RGS22: variants seen among roughly 807,000 people sequenced by gnomAD.
The protein encoded by RGS22 is regulator of G protein signaling 22, also known as regulator of G-protein signaling 22.
RGS22 carries 148 observed loss-of-function variants against 172.9 expected under a neutral mutation model. The ratio of observed to expected loss-of-function variants is 0.86; its 90% CI spans 0.75 to 0.98. The LOEUF (loss-of-function observed/expected upper bound fraction) is 0.98. Ranked by LOEUF, RGS22 falls within the 50% of genes least tolerant of loss-of-function variation. The probability of loss-of-function intolerance (pLI) is 0.00; values close to 1 mark genes in which losing one functional copy is unlikely to be tolerated. For synonymous variants in RGS22, 458 were observed against 480.2 expected, an observed-to-expected ratio of 0.95 and a Z score of 0.60; for missense variants, 1,347 against 1,440.8, an observed-to-expected ratio of 0.93 and a Z score of 1.05.
chr8:100,005,942 C>T, intron 16 of RGS22, 75 bp downstream of exon 16: 2 of 1,010,908 alleles, frequency 2.0e-6, no homozygotes, highest in Non-Finnish European at 3.1e-6. Context: ...CTACAATCTC[C>T]CCCTGCCCCA....
In RGS22 at chr8:100,032,612, A is replaced by G. The variant is rs191522987; in HGVS notation, c.2166+6319T>C. Among the ~76,000 whole-genome samples, 1,180 of 152,294 alleles carry G rather than the reference A, an allele frequency of 7.7e-3. 22 individuals carry two copies. Among genetic ancestry groups the G allele is most frequent in the African/African-American group, 0.027 (1,132 of 41,536 alleles). ...TGTCAATATTAGACAGATCAATGAG[A>G]CAGAAGGTTAACAAAGATATTCAGG... On this transcript the variant is annotated intron_variant, in intron 14 of 27. Transcript: ENST00000360863.
intron 18 of RGS22, 68 bp from the exon 19 acceptor site, chr8:99,999,488 C>A (rs1814785640): frequency 1.3e-6 from 2 of 1,533,626 alleles, no homozygotes; most frequent in Non-Finnish European, 1.8e-6. Context: ...GTCATTAATT[C>A]ATTCATTCAC....
intron 2 of RGS22, among the ~76,000 whole-genome samples, chr8:100,099,535 G>A (rs1242565406): frequency 6.6e-6 from 1 of 152,176 alleles, no homozygotes; most frequent in Non-Finnish European, 1.5e-5. Context: ...CTGATCAGAA[G>A]GTATGCTACT....
At chr8:100,095,098 T>G (rs1812863447) in intron 2 of RGS22, among the ~76,000 whole-genome samples, 1 of 152,222 alleles carries the variant, frequency 6.6e-6, no homozygotes, top group Non-Finnish European at 1.5e-5. Context: ...AATTTCTAAT[T>G]TTCAGATTCA....
Position 99,977,919 on chromosome 8 carries a change from T to C in RGS22, c.3517A>G (p.Lys1173Glu), listed in dbSNP as rs745461752. 6 of 1,563,238 alleles carry C rather than the reference T, an allele frequency of 3.8e-6. No individual in the cohort carries two copies. Among genetic ancestry groups the C allele is most frequent in the Middle Eastern group, 1.7e-4 (1 of 5,964 alleles). Residue 1173 changes from lysine (K) to glutamate (E), a missense_variant and splice_region_variant, in exon 23 of 28, where the codon AAG (lysine) becomes GAG (glutamate). By Grantham distance (56) the Lys-to-Glu change is moderately conservative (BLOSUM62 1). Coordinates refer to ENST00000360863, the MANE Select transcript of RGS22 (RefSeq NM_015668.5). ...ACCCAAAATGAGTCTTGTCTCACCT[T>C]TCCAGATTTTTCGTCTTCTAGGACT... ...LAVLEDEKSGKDGIKQYANTS... is the reference protein window; with the variant it reads ...LAVLEDEKSGEDGIKQYANTS...
Position 99,987,575 on chromosome 8 carries a change from A to G in RGS22, c.3063T>C (p.Ala1021=), listed in dbSNP as rs772020361. The G allele has an allele frequency of 6.2e-7, 1 of 1,610,536 alleles. No homozygotes were observed. Among genetic ancestry groups the G allele is most frequent in the Non-Finnish European group, 8.5e-7 (1 of 1,178,406 alleles). The change falls in exon 21 of 28, where the codon GCT becomes GCC. Residue 1021 remains alanine (A), a synonymous_variant. Transcript: ENST00000360863. ...CTGGATTCAATAATGCTTTGCGAAAAGCAATGATTTTACAAGATGAAGAGA... is the reference window on the plus strand; with the variant it reads ...CTGGATTCAATAATGCTTTGCGAAAGGCAATGATTTTACAAGATGAAGAGA... ...KWISSSCKII[A]FRKALLNPVT... is the part of the protein sequence containing the mutation.
intron 14 of RGS22, among the ~76,000 whole-genome samples, chr8:100,014,620 G>C (rs1816757209): frequency 6.6e-6 from 1 of 152,016 alleles, no homozygotes; most frequent in Non-Finnish European, 1.5e-5. Context: ...CCTTTCTCTT[G>C]ATTCTATGCC....
intron 23 of RGS22, among the ~76,000 whole-genome samples, chr8:99,977,625 A>G (rs1812114371): frequency 6.6e-6 from 1 of 152,200 alleles, no homozygotes; most frequent in Non-Finnish European, 1.5e-5. Flanking sequence ...AAACTTAATC[A>G]CAGGACTATA....
At chr8:100,077,867 A>G (rs757060787) in intron 4 of RGS22, among the ~76,000 whole-genome samples, 2 of 152,044 alleles carry the variant, frequency 1.3e-5, no homozygotes, top group Non-Finnish European at 2.9e-5. Flanking sequence ...TTTCATTTCT[A>G]TCAGCTTTTG....
chr8:99,999,813 C>A (rs763750584), intron 18 of RGS22, among the ~76,000 whole-genome samples: 4 of 152,092 alleles, frequency 2.6e-5, no homozygotes. Context: ...CATATTGATC[C>A]ACTTAAGAAT....
At chr8:100,099,824 A>G (rs1284289197) in intron 2 of RGS22, among the ~76,000 whole-genome samples, 1 of 152,192 alleles carries the variant, frequency 6.6e-6, no homozygotes, top group African/African-American at 2.4e-5. Flanking sequence ...TAGCTCTGCA[A>G]CCTCTTAAAG....
intron 10 of RGS22, among the ~76,000 whole-genome samples, chr8:100,051,895 G>GTTTATATA (rs1300267245): frequency 2.7e-5 from 1 of 36,964 alleles, no homozygotes; most frequent in Non-Finnish European, 4.2e-5. Context: ...ATATATAAAT[G>GTTTATATA]TTTATATATT....
At chr8:100,097,392 A>C (rs1343392054) in intron 2 of RGS22, among the ~76,000 whole-genome samples, 1 of 152,244 alleles carries the variant, frequency 6.6e-6, no homozygotes, top group African/African-American at 2.4e-5. Context: ...TTTACAGGTG[A>C]AGTTTATCAA....
intron 14 of RGS22, among the ~76,000 whole-genome samples, chr8:100,020,272 T>C (rs1290324740): frequency 6.6e-6 from 1 of 152,114 alleles, no homozygotes; most frequent in Middle Eastern, 3.2e-3. Flanking sequence ...AGCCAGCCGC[T>C]AGGAAAAAGA....
At chr8:100,072,927 T>C (rs1320929754) in intron 4 of RGS22, among the ~76,000 whole-genome samples, 2 of 151,974 alleles carry the variant, frequency 1.3e-5, no homozygotes, top group Admixed American at 6.6e-5. Context: ...GAGAGAAAGG[T>C]TGGAGAGGTA....
rs775084754 is a variant in RGS22, at chr8:100,064,050, TAA to T, written c.725-9_725-8del. 6.7e-7 allele frequency: 1 copy of T among 1,489,832 alleles called. No homozygotes were observed. Among genetic ancestry groups the T allele is most frequent in the Non-Finnish European group, 8.9e-7 (1 of 1,124,280 alleles). 92.3% of individuals were successfully genotyped at this position (1,489,832 alleles called of 1,614,324 possible). A position where few individuals can be genotyped will look rare whatever the true frequency, so the allele number is the denominator to read the frequency against. ...TCATCAAAGATAAAATTCTCTGTAT[TAA>T]GTCATAAAAAGCTATTAGATTAGAT... is the stretch of plus-strand genomic sequence containing the variant. On this transcript the variant is annotated splice_region_variant and splice_polypyrimidine_tract_variant and intron_variant, in intron 7 of 27. Coordinates refer to ENST00000360863, the MANE Select transcript of RGS22 (RefSeq NM_015668.5).
chr8:99,979,851 G>C (rs2045676), intron 22 of RGS22, among the ~76,000 whole-genome samples: 13,046 of 152,234 alleles, frequency 0.086, 691 homozygotes, highest in African/African-American at 0.14. Flanking sequence ...TAATGGGAAA[G>C]TCAGACATGA....
At chr8:99,987,371 C>A in intron 21 of RGS22, 87 bp downstream of exon 21, 1 of 1,012,194 alleles carries the variant, frequency 9.9e-7, no homozygotes, top group South Asian at 1.7e-5. Flanking sequence ...TTATACAAAT[C>A]TTGTGCATAA....
In RGS22 at chr8:100,073,897, A is replaced by T. The variant is rs188431037; in HGVS notation, c.340-1667T>A. Among the ~76,000 whole-genome samples, 4 of 152,308 alleles carry T rather than the reference A, an allele frequency of 2.6e-5. No homozygotes were observed. The East Asian group carries it at 7.7e-4, about 29-fold the overall frequency. On this transcript the variant is annotated intron_variant, in intron 4 of 27. Coordinates refer to ENST00000360863, the MANE Select transcript of RGS22 (RefSeq NM_015668.5). ...AAGAATAAAATAAAAAATTGAAGAA[A>T]AGTCTTTAGCCAAGCTGAAAACAAA...
Sources: gnomAD v4.1 joint callset for allele counts (sites outside exome capture counted in the v4.1 genomes callset) on GRCh38, gnomAD v4.1.1 for gene constraint, MANE v1.5 for transcripts, NCBI Gene and HGNC (gene_info 2026-07-23, HGNC 2026-07-21) for gene names.